STIM2: variants seen among roughly 807,000 people sequenced by gnomAD.
The protein encoded by STIM2 is stromal interaction molecule 2.
Under a neutral mutation model 85.8 loss-of-function variants are expected in STIM2, and 31 were observed. The ratio of observed to expected loss-of-function variants is 0.36; its 90% CI spans 0.27 to 0.49. STIM2 has a LOEUF of 0.49. Among genes scored for constraint, STIM2 ranks in the 20% least tolerant of loss-of-function variants. The pLI, the probability that STIM2 is intolerant of heterozygous loss-of-function variation, is 0.98. For missense variants in STIM2, 841 were observed against 927.6 expected (o/e 0.91, Z 1.21); for synonymous variants, 356 against 331.1 (o/e 1.08, Z -0.82).
intron 3 of STIM2, among the ~76,000 whole-genome samples, chr4:26,970,624 TTTC>T (rs2109104014): frequency 6.6e-6 from 1 of 152,336 alleles, no homozygotes; most frequent in East Asian, 1.9e-4. Flanking sequence ...TGTGCCACAT[TTTC>T]TTAATTCAGT....
chr4:26,893,115 A>G (rs920950712), intron 1 of STIM2, among the ~76,000 whole-genome samples: 4 of 152,196 alleles, frequency 2.6e-5, no homozygotes, highest in South Asian at 4.1e-4. Flanking sequence ...GCAGTTTTAG[A>G]GTGAAACATA....
At chr4:26,996,089 A>C (rs544956105) in intron 4 of STIM2, among the ~76,000 whole-genome samples, 1 of 152,146 alleles carries the variant, frequency 6.6e-6, no homozygotes, top group Admixed American at 6.5e-5. Flanking sequence ...CATTTTGCCC[A>C]AGGCAGCATT....
chr4:26,994,450 TA>T (rs142310851), intron 3 of STIM2, among the ~76,000 whole-genome samples: 2,656 of 152,212 alleles, frequency 0.017, 47 homozygotes, highest in Non-Finnish European at 0.022. Flanking sequence ...TCTTATCTAC[TA>T]CTATCATAGT....
At chr4:26,886,301 T>TA (rs1408706367) in intron 1 of STIM2, among the ~76,000 whole-genome samples, 1 of 152,182 alleles carries the variant, frequency 6.6e-6, no homozygotes. Flanking sequence ...ATTGAACACT[T>TA]ACAGATATTG....
At position 27,023,177 on chromosome 4, in the gene STIM2, A is replaced by G. The variant is rs1387106825; in HGVS notation, c.*181A>G. On this transcript the variant is annotated 3_prime_UTR_variant, in exon 12 of 12. Coordinates refer to ENST00000467087, the MANE Select transcript of STIM2 (RefSeq NM_020860.4). ...TGTCTACTGTCTGCTTATTTAAGTG[A>G]CTATATATAATCAATTCATCAAGCC... The G allele has an allele frequency of 1.5e-5, 9 of 619,674 alleles. No individual in the cohort carries two copies. The highest frequency in any genetic ancestry group is 2.8e-5 in the Admixed American group (1 of 35,876). The allele number at this position is 619,674 out of a possible 1,614,324, so 38.4% of individuals were successfully genotyped here. A position where few individuals can be genotyped will look rare whatever the true frequency, so the allele number is the denominator to read the frequency against.
At chr4:26,868,185 C>T (rs909452183) in intron 1 of STIM2, among the ~76,000 whole-genome samples, 1 of 152,204 alleles carries the variant, frequency 6.6e-6, no homozygotes, top group Admixed American at 6.5e-5. Context: ...CCCTCCAGTA[C>T]ACACAGGCTG....
rs147430970 is a variant in STIM2, at chr4:27,017,623, C to T, written c.1490-88C>T. On this transcript the variant is annotated intron_variant, in intron 10 of 11. Coordinates refer to ENST00000467087, the MANE Select transcript of STIM2 (RefSeq NM_020860.4). ...AGATGAAACAGTGACATATTAGTGA[C>T]ATCAGTTCTCTTGTGTGTATGTATT... The T allele has an allele frequency of 7.7e-5, 114 of 1,487,186 alleles. 1 individual carries two copies. In the South Asian group the frequency reaches 1.3e-3, roughly 17 times the overall value. The allele number at this position is 1,487,186 out of a possible 1,614,324, so 92.1% of individuals were successfully genotyped here. A position where few individuals can be genotyped will look rare whatever the true frequency, so the allele number is the denominator to read the frequency against.
chr4:27,021,741 T>C (rs1728920462), intron 11 of STIM2: 1 of 418,686 alleles, frequency 2.4e-6, no homozygotes, highest in Non-Finnish European at 4.8e-6. Flanking sequence ...AATCATTTAG[T>C]TGAGTTCCTG....
intron 2 of STIM2, among the ~76,000 whole-genome samples, chr4:26,952,355 G>A (rs1726084894): frequency 6.6e-6 from 1 of 152,056 alleles, no homozygotes; most frequent in Non-Finnish European, 1.5e-5. Flanking sequence ...GGTGTTTGTA[G>A]TACCTCACAC....
At chr4:26,938,759 A>G (rs1430744255) in intron 2 of STIM2, among the ~76,000 whole-genome samples, 3 of 152,194 alleles carry the variant, frequency 2.0e-5, no homozygotes, top group African/African-American at 7.2e-5. Flanking sequence ...TGAGATGGAC[A>G]GAAGTGTTCT....
intron 1 of STIM2, among the ~76,000 whole-genome samples, chr4:26,867,246 T>A (rs1484721382): frequency 1.3e-5 from 2 of 152,202 alleles, no homozygotes; most frequent in Non-Finnish European, 2.9e-5. Flanking sequence ...ATGATTTAAA[T>A]TAGTATAAGC....
rs536174240 is a variant in STIM2, at chr4:26,943,440, C to A, written c.283-14172C>A. Among the ~76,000 whole-genome samples the A allele has an allele frequency of 6.6e-5, 10 of 152,178 alleles. No individual in the cohort carries two copies. In the East Asian group the frequency reaches 1.7e-3, roughly 26 times the overall value. On this transcript the variant is annotated intron_variant, in intron 2 of 11. Transcript: ENST00000467087. The stretch of plus-strand genomic sequence containing the variant: ...ATCTTTTTTGTTGTTGTTTAAATTG[C>A]CCCAGTTTTGGCCAGTGGAAACTTA...
rs62302473 is a variant in STIM2 at position 26,899,251 on chromosome 4, T to G, written c.152-20253T>G. ...ATTATGTTAAATTATTTTCTAATGTTAAACCAATCTTCTGTCCCTGGAATG... is the reference window on the plus strand; with the variant it reads ...ATTATGTTAAATTATTTTCTAATGTGAAACCAATCTTCTGTCCCTGGAATG... On this transcript the variant is annotated intron_variant, in intron 1 of 11. Transcript: ENST00000467087. Among the ~76,000 whole-genome samples the G allele has an allele frequency of 7.0e-3, 1,070 of 152,220 alleles. 4 individuals are homozygous for G. The highest frequency in any genetic ancestry group is 0.012 in the Non-Finnish European group (847 of 67,940).
intron 3 of STIM2, among the ~76,000 whole-genome samples, chr4:26,969,989 G>T (rs564480408): frequency 7.2e-6 from 1 of 139,184 alleles, no homozygotes; most frequent in African/African-American, 2.7e-5. Flanking sequence ...TAAAATTTGA[G>T]CAGTTTGTCT....
chr4:26,996,447 C>G (rs903621953), intron 4 of STIM2, among the ~76,000 whole-genome samples: 4 of 151,832 alleles, frequency 2.6e-5, no homozygotes, highest in African/African-American at 9.7e-5. Flanking sequence ...ACATTGTGTC[C>G]CTAGTCAACT....
At chr4:26,914,501 A>G (rs554631689) in intron 1 of STIM2, among the ~76,000 whole-genome samples, 1 of 152,220 alleles carries the variant, frequency 6.6e-6, no homozygotes, top group East Asian at 1.9e-4. Context: ...GTTTATTTGT[A>G]TATCTGTCAT....
chr4:27,023,219 T>C lies in STIM2; in HGVS notation c.*223T>C, dbSNP rs1449214187. The stretch of plus-strand genomic sequence containing the variant: ...CATCAAGCCAGTTATTACTGAAAAA[T>C]CATTGAAATGAGACAGTTTACAGTC... On this transcript the variant is annotated 3_prime_UTR_variant, in exon 12 of 12. Coordinates refer to ENST00000467087, the MANE Select transcript of STIM2 (RefSeq NM_020860.4). 4 of 525,190 alleles carry C rather than the reference T, an allele frequency of 7.6e-6. No homozygotes were observed. The Admixed American group carries it at 1.3e-4, about 17-fold the overall frequency. The allele number at this position is 525,190 out of a possible 1,614,324, so 32.5% of individuals were successfully genotyped here. A position where few individuals can be genotyped will look rare whatever the true frequency, so the allele number is the denominator to read the frequency against.
chr4:26,933,884 C>A (rs1725301133), intron 2 of STIM2, among the ~76,000 whole-genome samples: 1 of 151,830 alleles, frequency 6.6e-6, no homozygotes, highest in African/African-American at 2.4e-5. Context: ...ACTAATGTTA[C>A]ATGTTTTTAA....
At chr4:26,896,672 A>G (rs1041320205) in intron 1 of STIM2, among the ~76,000 whole-genome samples, 2 of 152,238 alleles carry the variant, frequency 1.3e-5, no homozygotes, top group African/African-American at 2.4e-5. Context: ...TAAATATAGT[A>G]CATTATCAAA....
Sources: gnomAD v4.1 joint callset for allele counts (sites outside exome capture counted in the v4.1 genomes callset) on GRCh38, gnomAD v4.1.1 for gene constraint, MANE v1.5 for transcripts, NCBI Gene and HGNC (gene_info 2026-07-23, HGNC 2026-07-21) for gene names.